SH3KBP1: variants seen among roughly 807,000 people sequenced by gnomAD.
SH3KBP1 encodes SH3 domain containing kinase binding protein 1.
In SH3KBP1, 8 loss-of-function variants were observed where a neutral mutation model predicts 50.1. The observed-to-expected ratio is 0.16, with a 90% CI of 0.09 to 0.29. SH3KBP1 has a LOEUF of 0.29. SH3KBP1 is among the 10% of genes least tolerant of loss of function. The pLI is 1.00. For missense variants in SH3KBP1, 377 were observed against 535.2 expected, an observed-to-expected ratio of 0.70 and a Z score of 2.92; for synonymous variants, 227 against 218.6, an observed-to-expected ratio of 1.04 and a Z score of -0.34.
At chrX:19,762,274 C>T (rs1004771485) in intron 2 of SH3KBP1, among the ~76,000 whole-genome samples, 4 of 111,779 alleles carry the variant, frequency 3.6e-5, no homozygotes, top group African/African-American at 9.8e-5. Flanking sequence ...ACCAGTATGC[C>T]TTTGGAGGGC....
chrX:19,542,155 C>G lies in SH3KBP1; in HGVS notation c.1662G>C (p.Gly554=), dbSNP rs1260178624. The change falls in exon 16 of 18, where the codon GGG becomes GGC. Residue 554 remains glycine (G), a synonymous_variant. Transcript: ENST00000397821. ...DNKASLPPKP[G]TMAAGGGGPA... is the part of the protein sequence containing the mutation. ...GCCCACCGCCACCTGCTGCCATGGTCCCCGGCTTGGGCGGCAGGGATGCTT... is the reference window on the plus strand; with the variant it reads ...GCCCACCGCCACCTGCTGCCATGGTGCCCGGCTTGGGCGGCAGGGATGCTT... The G allele has an allele frequency of 1.7e-6, 2 of 1,193,172 alleles. No homozygotes were observed. The highest frequency in any genetic ancestry group is 2.3e-6 in the Non-Finnish European group (2 of 885,068).
intron 2 of SH3KBP1, among the ~76,000 whole-genome samples, chrX:19,822,586 T>C (rs187464024): frequency 8.9e-6 from 1 of 112,610 alleles, no homozygotes; most frequent in East Asian, 2.8e-4. Flanking sequence ...AAGGCAATTT[T>C]ATGACAGATG....
At chrX:19,821,836 CT>C (rs1307434586) in intron 2 of SH3KBP1, among the ~76,000 whole-genome samples, 2 of 112,443 alleles carry the variant, frequency 1.8e-5, no homozygotes, top group Non-Finnish European at 3.8e-5. Flanking sequence ...GCCTAAAAAA[CT>C]TTCTTTAGGC....
At chrX:19,734,891 A>G (rs1259066343) in intron 3 of SH3KBP1, among the ~76,000 whole-genome samples, 1 of 112,200 alleles carries the variant, frequency 8.9e-6, no homozygotes, top group African/African-American at 3.2e-5. Context: ...TATAGACCAC[A>G]TTTTGTTCAG....
chrX:19,581,917 A>G (rs2066387242), intron 12 of SH3KBP1, among the ~76,000 whole-genome samples: 1 of 109,092 alleles, frequency 9.2e-6, no homozygotes, highest in Non-Finnish European at 1.9e-5. Flanking sequence ...CTATGCTCCA[A>G]TTCTCTCAGT....
At chrX:19,860,281 A>T (rs1412971171) in intron 1 of SH3KBP1, among the ~76,000 whole-genome samples, 2 of 2,239 alleles carry the variant, frequency 8.9e-4, no homozygotes, top group Non-Finnish European at 1.5e-3. Context: ...TCCCACCTCT[A>T]AAAAAAAAAA....
chrX:19,659,362 G>A (rs959561346), intron 6 of SH3KBP1, among the ~76,000 whole-genome samples: 4 of 109,943 alleles, frequency 3.6e-5, no homozygotes, highest in African/African-American at 6.6e-5. Flanking sequence ...TGATCCGCCC[G>A]CCTTGGTCTC....
intron 2 of SH3KBP1, among the ~76,000 whole-genome samples, chrX:19,833,525 C>T (rs1414072848): frequency 2.8e-5 from 3 of 107,355 alleles, no homozygotes; most frequent in Non-Finnish European, 3.9e-5. Context: ...CCTTCCTTCC[C>T]AGGGTCCTCC....
At chrX:19,675,352 G>A (rs2062900543) in intron 6 of SH3KBP1, among the ~76,000 whole-genome samples, 1 of 110,360 alleles carries the variant, frequency 9.1e-6, no homozygotes, top group Non-Finnish European at 1.9e-5. Context: ...CCCAGGAAGA[G>A]GCAGAGTTGA....
chrX:19,552,196 T>G (rs2065261437), intron 13 of SH3KBP1, among the ~76,000 whole-genome samples: 1 of 112,443 alleles, frequency 8.9e-6, no homozygotes, highest in Non-Finnish European at 1.9e-5. Flanking sequence ...ATTTGTTGGA[T>G]AGCTAGTTTC....
chrX:19,740,818 T>C (rs1293269301), intron 3 of SH3KBP1: 10 of 311,309 alleles, frequency 3.2e-5, no homozygotes, highest in Non-Finnish European at 5.8e-5. Flanking sequence ...CCTATCAAGA[T>C]CCACGCCACC....
At chrX:19,615,659 G>T (rs1318613833) in intron 8 of SH3KBP1, among the ~76,000 whole-genome samples, 1 of 111,804 alleles carries the variant, frequency 8.9e-6, no homozygotes, top group East Asian at 2.8e-4. Flanking sequence ...ATTCTGCATG[G>T]CTGGGATTTC....
At chrX:19,820,631 T>G (rs1490090846) in intron 2 of SH3KBP1, among the ~76,000 whole-genome samples, 1 of 110,325 alleles carries the variant, frequency 9.1e-6, no homozygotes, top group Non-Finnish European at 1.9e-5. Context: ...CAGCATATAG[T>G]TGAGTCAAGT....
chrX:19,587,387 A>G (rs772498984), intron 12 of SH3KBP1, among the ~76,000 whole-genome samples: 4 of 110,902 alleles, frequency 3.6e-5, no homozygotes, highest in Non-Finnish European at 7.5e-5. Context: ...TCAGATTTAC[A>G]AGATGAAAAG....
chrX:19,562,950 C>T (rs760861495), intron 13 of SH3KBP1, among the ~76,000 whole-genome samples: 49 of 112,436 alleles, frequency 4.4e-4, no homozygotes, highest in Non-Finnish European at 6.4e-4. Flanking sequence ...GGTTCTGCAA[C>T]ATTTGCCATC....
At chrX:19,801,282 T>C (rs2066882355) in intron 2 of SH3KBP1, among the ~76,000 whole-genome samples, 1 of 111,730 alleles carries the variant, frequency 9.0e-6, no homozygotes, top group South Asian at 3.7e-4. Flanking sequence ...AACAACACGG[T>C]GGGGGAAGAG....
intron 12 of SH3KBP1, among the ~76,000 whole-genome samples, chrX:19,577,892 G>A (rs947379071): frequency 9.0e-6 from 1 of 111,042 alleles, no homozygotes; most frequent in South Asian, 3.8e-4. Flanking sequence ...CCGCCACCCC[G>A]TGCCCCAGAA....
chrX:19,822,465 T>C (rs2067555788), intron 2 of SH3KBP1, among the ~76,000 whole-genome samples: 1 of 112,166 alleles, frequency 8.9e-6, no homozygotes, highest in African/African-American at 3.2e-5. Flanking sequence ...CTGGTGAGCT[T>C]TTTAACTTGT....
intron 2 of SH3KBP1, among the ~76,000 whole-genome samples, chrX:19,797,773 A>G (rs2066762748): frequency 9.0e-6 from 1 of 110,537 alleles, no homozygotes; most frequent in African/African-American, 3.3e-5. Context: ...TCAATGGGGG[A>G]AAGGGGTGAG....
Sources: gnomAD v4.1 joint callset for allele counts (sites outside exome capture counted in the v4.1 genomes callset) on GRCh38, gnomAD v4.1.1 for gene constraint, MANE v1.5 for transcripts, NCBI Gene and HGNC (gene_info 2026-07-23, HGNC 2026-07-21) for gene names.